The following EXOC4 variants were observed in gnomAD, a reference collection of about 807,000 sequenced individuals.
The protein encoded by EXOC4 is SEC8-like 1.
Under a neutral mutation model 107.2 loss-of-function variants are expected in EXOC4, and 71 were observed. The observed-to-expected ratio is 0.66, with a 90% CI of 0.55 to 0.81. The LOEUF (loss-of-function observed/expected upper bound fraction) is 0.81. EXOC4 is among the 30% of genes least tolerant of loss of function. The pLI is 0.00. For synonymous variants in EXOC4, 456 were observed against 441.2 expected (o/e 1.03, Z -0.42); for missense variants, 1,108 against 1,189.6 (o/e 0.93, Z 1.01).
chr7:133,357,729 A>T (rs931507499), intron 6 of EXOC4, among the ~76,000 whole-genome samples: 1 of 152,202 alleles, frequency 6.6e-6, no homozygotes, highest in African/African-American at 2.4e-5. Context: ...AATTTTTTGG[A>T]AAAATTAATA....
At chr7:134,033,072 G>T (rs970717116) in intron 17 of EXOC4, among the ~76,000 whole-genome samples, 1 of 152,124 alleles carries the variant, frequency 6.6e-6, no homozygotes, top group African/African-American at 2.4e-5. Flanking sequence ...TGGATGATAG[G>T]AAGAAGATGG....
At chr7:133,501,753 G>C (rs1006999390) in intron 9 of EXOC4, among the ~76,000 whole-genome samples, 2 of 152,122 alleles carry the variant, frequency 1.3e-5, no homozygotes, top group Admixed American at 6.5e-5. Flanking sequence ...ATGATTCCTA[G>C]TTTCCTGGTT....
chr7:133,724,557 T>G (rs1386232032), intron 10 of EXOC4, among the ~76,000 whole-genome samples: 1 of 152,242 alleles, frequency 6.6e-6, no homozygotes, highest in Non-Finnish European at 1.5e-5. Context: ...AAAAAAATTT[T>G]GTTCTTTTGG....
intron 7 of EXOC4, among the ~76,000 whole-genome samples, chr7:133,464,262 A>G (rs755582606): frequency 6.6e-5 from 10 of 152,158 alleles, no homozygotes; most frequent in Non-Finnish European, 1.2e-4. Context: ...AAGTAGTTCT[A>G]TTATTATCTT....
chr7:133,883,738 G>C (rs1241772311), intron 11 of EXOC4, among the ~76,000 whole-genome samples: 1 of 152,142 alleles, frequency 6.6e-6, no homozygotes, highest in Non-Finnish European at 1.5e-5. Context: ...GTGGGAGGTA[G>C]AATTTTCAAA....
At chr7:133,452,837 G>A (rs1023782585) in intron 7 of EXOC4, among the ~76,000 whole-genome samples, 2 of 151,984 alleles carry the variant, frequency 1.3e-5, no homozygotes, top group Non-Finnish European at 2.9e-5. Context: ...TGAAATATAT[G>A]TGTGTTCAAA....
chr7:133,476,991 C>T (rs144615051), intron 8 of EXOC4, among the ~76,000 whole-genome samples: 2 of 152,040 alleles, frequency 1.3e-5, no homozygotes, highest in African/African-American at 4.8e-5. Context: ...GTGAATCTCT[C>T]TCTTTAAAAA....
intron 10 of EXOC4, among the ~76,000 whole-genome samples, chr7:133,773,063 G>A (rs1562991228): frequency 2.0e-5 from 3 of 152,082 alleles, no homozygotes; most frequent in African/African-American, 7.2e-5. Context: ...TTATCCTTAG[G>A]TGTCCCTAGG....
At chr7:133,282,640 T>A (rs1260903079) in intron 2 of EXOC4, among the ~76,000 whole-genome samples, 1 of 152,222 alleles carries the variant, frequency 6.6e-6, no homozygotes, top group Non-Finnish European at 1.5e-5. Context: ...CCTTTTTTTT[T>A]AATTTTTAAA....
chr7:133,809,251 C>T (rs569009315), intron 10 of EXOC4, among the ~76,000 whole-genome samples: 13 of 152,166 alleles, frequency 8.5e-5, no homozygotes, highest in Non-Finnish European at 1.8e-4. Flanking sequence ...AGTATGTCAC[C>T]GTTTATTGCC....
intron 10 of EXOC4, among the ~76,000 whole-genome samples, chr7:133,688,395 G>C (rs1258265430): frequency 6.6e-6 from 1 of 152,128 alleles, no homozygotes; most frequent in Non-Finnish European, 1.5e-5. Flanking sequence ...CGGTAAAGCA[G>C]TATCTTGCAG....
intron 7 of EXOC4, among the ~76,000 whole-genome samples, chr7:133,414,930 A>G (rs1372738944): frequency 1.3e-5 from 2 of 151,844 alleles, no homozygotes; most frequent in Non-Finnish European, 2.9e-5. Context: ...CCTACCCCCA[A>G]CCGCTGCCAG....
At chr7:133,395,109 C>CTTTTTTTTTTTTTTTTT (rs200545904) in intron 7 of EXOC4, among the ~76,000 whole-genome samples, 1 of 130,888 alleles carries the variant, frequency 7.6e-6, no homozygotes, top group African/African-American at 2.8e-5. Flanking sequence ...ATACTTTTGC[C>CTTTTTTTTTTTTTTTTT]TTTTTTTTTT....
At chr7:133,844,378 CTTTTTTTTTTTTTT>C (rs761535651) in intron 11 of EXOC4, among the ~76,000 whole-genome samples, 4 of 83,346 alleles carry the variant, frequency 4.8e-5, no homozygotes, top group African/African-American at 2.3e-4. Flanking sequence ...CCACATATTC[CTTTTTTTTTTTTTT>C]TTTTTTTTTT....
At chr7:134,015,224 A>T (rs1291640375) in intron 17 of EXOC4, among the ~76,000 whole-genome samples, 5 of 152,096 alleles carry the variant, frequency 3.3e-5, no homozygotes, top group Non-Finnish European at 7.4e-5. Context: ...AGCACTCCCT[A>T]TTGTCCTTAC....
chr7:133,823,869 ATATTAT>A (rs1428301141), intron 11 of EXOC4, among the ~76,000 whole-genome samples: 1 of 9,182 alleles, frequency 1.1e-4, no homozygotes, highest in African/African-American at 9.1e-4. Flanking sequence ...ATATATATAT[ATATTAT>A]ATATATATAT....
chr7:133,797,679 A>G (rs1796846041), intron 10 of EXOC4, among the ~76,000 whole-genome samples: 1 of 152,132 alleles, frequency 6.6e-6, no homozygotes. Context: ...CTATTCATTC[A>G]CTGTTGATTC....
At chr7:133,534,444 T>C (rs1031564040) in intron 9 of EXOC4, among the ~76,000 whole-genome samples, 1 of 152,248 alleles carries the variant, frequency 6.6e-6, no homozygotes, top group East Asian at 1.9e-4. Flanking sequence ...TTCATCAATG[T>C]CACATTAGCA....
At chr7:133,982,208 T>C (rs191379457) in intron 14 of EXOC4, among the ~76,000 whole-genome samples, 95 of 152,276 alleles carry the variant, frequency 6.2e-4, no homozygotes, top group East Asian at 5.2e-3. Flanking sequence ...CAAATTTACC[T>C]ATATAACAAA....
Sources: allele counts gnomAD v4.1 joint callset (sites outside exome capture counted in the v4.1 genomes callset), GRCh38; gene constraint gnomAD v4.1.1; transcripts MANE v1.5; gene names NCBI Gene and HGNC (gene_info 2026-07-23, HGNC 2026-07-21).